Variants in ZHX3 observed in about 807,000 individuals in gnomAD.
The protein encoded by ZHX3 is zinc fingers and homeoboxes 3.
ZHX3 carries 20 observed loss-of-function variants against 64.5 expected under a neutral mutation model. That is an observed-to-expected ratio of 0.31 (90% confidence interval 0.22 to 0.45). The LOEUF (loss-of-function observed/expected upper bound fraction) is 0.45. Among genes scored for constraint, ZHX3 ranks in the 20% least tolerant of loss-of-function variants. The pLI is 1.00. For synonymous variants in ZHX3, 423 were observed against 461.6 expected (o/e 0.92, Z 1.07); for missense variants, 1,041 against 1,195.8 (o/e 0.87, Z 1.91).
At chr20:41,287,476 G>A (rs1351892958) in intron 1 of ZHX3, among the ~76,000 whole-genome samples, 1 of 152,134 alleles carries the variant, frequency 6.6e-6, no homozygotes, top group Non-Finnish European at 1.5e-5. Flanking sequence ...GTGTAGGCCA[G>A]ACTTACTGAC....
chr20:41,311,286 T>C (rs2045129574), intron 1 of ZHX3, among the ~76,000 whole-genome samples: 1 of 152,244 alleles, frequency 6.6e-6, no homozygotes, highest in Non-Finnish European at 1.5e-5. Context: ...GTTTTTTGTG[T>C]ATAATTCTGC....
At chr20:41,310,847 T>C (rs2045113238) in intron 1 of ZHX3, among the ~76,000 whole-genome samples, 1 of 132,046 alleles carries the variant, frequency 7.6e-6, no homozygotes, top group Non-Finnish European at 1.5e-5. Context: ...TCTTGCTCTG[T>C]CACCAGGCTG....
At chr20:41,234,520 T>C (rs1332107061) in intron 2 of ZHX3, among the ~76,000 whole-genome samples, 1 of 152,188 alleles carries the variant, frequency 6.6e-6, no homozygotes, top group Non-Finnish European at 1.5e-5. Flanking sequence ...GGACAGATAT[T>C]CCTGTCCTCA....
intron 1 of ZHX3, among the ~76,000 whole-genome samples, chr20:41,270,088 C>G (rs1376247442): frequency 6.6e-6 from 1 of 152,050 alleles, no homozygotes; most frequent in Non-Finnish European, 1.5e-5. Context: ...GGTAAATTAC[C>G]TAAAGAAAAG....
At chr20:41,191,669 C>T (rs373221116) in intron 3 of ZHX3, among the ~76,000 whole-genome samples, 4 of 152,164 alleles carry the variant, frequency 2.6e-5, no homozygotes, top group South Asian at 2.1e-4. Flanking sequence ...AGGACTTTTT[C>T]CTAGACGTAT....
intron 2 of ZHX3, among the ~76,000 whole-genome samples, chr20:41,206,944 G>C (rs561948460): frequency 6.6e-6 from 1 of 152,160 alleles, no homozygotes; most frequent in African/African-American, 2.4e-5. Context: ...GAATAACAGC[G>C]GATCTCTCGG....
intron 2 of ZHX3, among the ~76,000 whole-genome samples, chr20:41,255,967 C>A (rs998924663): frequency 6.6e-6 from 1 of 152,160 alleles, no homozygotes; most frequent in Non-Finnish European, 1.5e-5. Context: ...AAAGAAGTGG[C>A]TAGGACAGGG....
intron 2 of ZHX3, among the ~76,000 whole-genome samples, chr20:41,255,170 G>T (rs1454825903): frequency 1.3e-5 from 2 of 151,734 alleles, no homozygotes; most frequent in Non-Finnish European, 2.9e-5. Context: ...TATTTTTTTT[G>T]ACATGGAGTC....
intron 1 of ZHX3, among the ~76,000 whole-genome samples, chr20:41,307,464 T>C (rs904702616): frequency 2.6e-5 from 4 of 152,192 alleles, no homozygotes; most frequent in African/African-American, 9.7e-5. Context: ...TTCACTACCA[T>C]ACCACTATAT....
chr20:41,284,889 T>G (rs2043860441), intron 1 of ZHX3, among the ~76,000 whole-genome samples: 1 of 152,162 alleles, frequency 6.6e-6, no homozygotes, highest in South Asian at 2.1e-4. Context: ...GCTTCATTAC[T>G]TTAGGGTCCT....
intron 2 of ZHX3, among the ~76,000 whole-genome samples, chr20:41,252,290 G>A (rs752937747): frequency 4.9e-4 from 74 of 152,302 alleles, no homozygotes; most frequent in Middle Eastern, 6.8e-3. Context: ...AGGGGACAGG[G>A]GCTAGAGAGA....
At chr20:41,261,553 C>T (rs2042562443) in intron 2 of ZHX3, among the ~76,000 whole-genome samples, 1 of 152,172 alleles carries the variant, frequency 6.6e-6, no homozygotes, top group African/African-American at 2.4e-5. Context: ...TCTGTATCTC[C>T]TCTACTTCTT....
intron 1 of ZHX3, among the ~76,000 whole-genome samples, chr20:41,301,706 AC>A (rs2044813969): frequency 6.6e-6 from 1 of 151,624 alleles, no homozygotes; most frequent in Non-Finnish European, 1.5e-5. Flanking sequence ...ACACCCACAC[AC>A]CCCAAAATCA....
intron 1 of ZHX3, among the ~76,000 whole-genome samples, chr20:41,312,210 G>A (rs1337880368): frequency 1.3e-5 from 2 of 152,106 alleles, no homozygotes; most frequent in South Asian, 2.1e-4. Context: ...CTAGAGGTTT[G>A]TAAAACGCAC....
chr20:41,232,730 C>T lies in ZHX3; in HGVS notation c.-150-27664G>A, dbSNP rs978828079. The stretch of plus-strand genomic sequence containing the variant: ...TCAGCCTCCCGCGGGGGACTACAGG[C>T]GCCCACCACCTCGCCCGGCTAATTT... On this transcript the variant is annotated intron_variant, in intron 2 of 3. Transcript: ENST00000683867. The surrounding 1 kb of genome is among the most constrained non-coding windows in gnomAD (Gnocchi z 5.0). Among the ~76,000 whole-genome samples, 3 of 152,056 alleles carry T rather than the reference C, an allele frequency of 2.0e-5. No homozygotes were observed. The highest frequency in any genetic ancestry group is 1.3e-4 in the Admixed American group (2 of 15,268).
intron 1 of ZHX3, among the ~76,000 whole-genome samples, chr20:41,269,894 A>C (rs1000228956): frequency 6.6e-6 from 1 of 152,026 alleles, no homozygotes; most frequent in Non-Finnish European, 1.5e-5. Flanking sequence ...CAAAAAAAAA[A>C]AAATCCCTCA....
At position 41,249,409 on chromosome 20, in the gene ZHX3, A is replaced by G. The variant is rs530285913; in HGVS notation, c.-151+19581T>C. 3.3e-5 allele frequency among the ~76,000 whole-genome samples: 5 copies of G among 152,336 alleles called. 1 individual carries two copies. The highest frequency in any genetic ancestry group is 1.2e-4 in the African/African-American group (5 of 41,588). On this transcript the variant is annotated intron_variant, in intron 2 of 3. Transcript: ENST00000683867. ...CCTCTGTTTTAATCATGCTAAAAGT[A>G]TAACAAACTACTGCATTATTCAGTG...
chr20:41,297,633 A>T (rs1284786826), intron 1 of ZHX3, among the ~76,000 whole-genome samples: 4 of 151,846 alleles, frequency 2.6e-5, no homozygotes, highest in Non-Finnish European at 5.9e-5. Context: ...ATATGAAGTA[A>T]CCCCCCTACA....
At position 41,232,302 on chromosome 20, in the gene ZHX3, AAAG is replaced by A. The variant is rs2040661592; in HGVS notation, c.-150-27239_-150-27237del. Reference sequence around the variant, plus strand: ...TTACGCTGCAGCATAAAAAAAAAAAAAAGGTCTAGTTTTAAACAAAGAACTCAA... The same window carrying A: ...TTACGCTGCAGCATAAAAAAAAAAAAGTCTAGTTTTAAACAAAGAACTCAA... On this transcript the variant is annotated intron_variant, in intron 2 of 3. Coordinates refer to ENST00000683867, the MANE Select transcript of ZHX3 (RefSeq NM_001384317.1). The surrounding 1 kb of genome is among the most constrained non-coding windows in gnomAD (Gnocchi z 5.0). 6.6e-6 allele frequency among the ~76,000 whole-genome samples: 1 copy of A among 152,314 alleles called. No homozygotes were observed. The highest frequency in any genetic ancestry group is 2.4e-5 in the African/African-American group (1 of 41,570).
Sources: allele counts gnomAD v4.1 joint callset (sites outside exome capture counted in the v4.1 genomes callset), GRCh38; gene constraint gnomAD v4.1.1; non-coding constraint Gnocchi (gnomAD v3.1); transcripts MANE v1.5; gene names NCBI Gene and HGNC (gene_info 2026-07-23, HGNC 2026-07-21).